The following SNAPC3 variants were observed in gnomAD, a reference collection of about 807,000 sequenced individuals.
The protein encoded by SNAPC3 is snRNA-activating protein complex subunit 3.
In SNAPC3, 56 loss-of-function variants were observed where a neutral mutation model predicts 47.7. That is an observed-to-expected ratio of 1.18 (90% CI 0.95 to 1.47). SNAPC3 has a LOEUF of 1.47. Ranked by LOEUF, SNAPC3 falls within the 40% of genes most tolerant of loss-of-function variation. The pLI is 0.00. For missense variants in SNAPC3, 665 were observed against 511.3 expected, an observed-to-expected ratio of 1.30 and a Z score of -2.90; for synonymous variants, 235 against 189.9, an observed-to-expected ratio of 1.24 and a Z score of -1.95.
intron 7 of SNAPC3, among the ~76,000 whole-genome samples, chr9:15,454,335 T>C (rs566154983): frequency 6.6e-6 from 1 of 152,270 alleles, no homozygotes; most frequent in East Asian, 1.9e-4. Flanking sequence ...TCCCATGCAC[T>C]CCATCTCAGG....
intron 2 of SNAPC3, among the ~76,000 whole-genome samples, chr9:15,428,508 C>CA (rs397952770): frequency 0.72 from 92,990 of 129,008 alleles, 33,819 homozygotes; most frequent in Admixed American, 0.82. Context: ...GACTCTGTCT[C>CA]AAAAAAAAAA....
At chr9:15,427,339 T>C (rs2031544814) in intron 2 of SNAPC3, among the ~76,000 whole-genome samples, 1 of 152,186 alleles carries the variant, frequency 6.6e-6, no homozygotes, top group Non-Finnish European at 1.5e-5. Context: ...ACATCACTTA[T>C]TTATTTGTTT....
intron 5 of SNAPC3, among the ~76,000 whole-genome samples, chr9:15,449,954 A>C (rs2034269256): frequency 6.6e-6 from 1 of 152,176 alleles, no homozygotes; most frequent in South Asian, 2.1e-4. Flanking sequence ...AAAGATAGTA[A>C]GTTGCTTAAA....
rs536985888 is a variant in SNAPC3, at chr9:15,440,503, A to G, written c.478-4099A>G. 1.4e-3 allele frequency among the ~76,000 whole-genome samples: 211 copies of G among 152,270 alleles called. 1 individual carries two copies. Among genetic ancestry groups the G allele is most frequent in the African/African-American group, 4.9e-3 (204 of 41,542 alleles). ...TTTTTTTTCTTTCATGGGTTTAAAT[A>G]TGTCACCCAAAAAAGAAAAACAAAA... On this transcript the variant is annotated intron_variant, in intron 3 of 8. Coordinates refer to ENST00000380821, the MANE Select transcript of SNAPC3 (RefSeq NM_001039697.2).
intron 5 of SNAPC3, among the ~76,000 whole-genome samples, chr9:15,448,641 G>C (rs1242610904): frequency 1.3e-5 from 2 of 152,148 alleles, no homozygotes; most frequent in African/African-American, 4.8e-5. Context: ...GTGGAGACTA[G>C]CATATGGCTC....
chr9:15,434,685 C>T (rs1014710371), intron 3 of SNAPC3, among the ~76,000 whole-genome samples: 2 of 152,198 alleles, frequency 1.3e-5, no homozygotes, highest in African/African-American at 2.4e-5. Context: ...GGATTACAGT[C>T]GTGAGCCACA....
At chr9:15,465,687 A>G (rs2035576352), downstream of SNAPC3, 2 of 879,584 alleles carry the variant, frequency 2.3e-6, no homozygotes, top group African/African-American at 3.5e-5. Context: ...AAAGACTGAA[A>G]CCAACCAAAC....
chr9:15,435,142 G>A (rs138209177), intron 3 of SNAPC3, among the ~76,000 whole-genome samples: 5 of 152,060 alleles, frequency 3.3e-5, no homozygotes, highest in African/African-American at 9.6e-5. Flanking sequence ...TTGTGGTTTC[G>A]ATTTGCATTT....
At chr9:15,452,008 G>C (rs1327038163) in intron 6 of SNAPC3, among the ~76,000 whole-genome samples, 1 of 151,976 alleles carries the variant, frequency 6.6e-6, no homozygotes, top group Non-Finnish European at 1.5e-5. Flanking sequence ...CTGTCACCCA[G>C]TCTGGAGTAT....
At chr9:15,444,500 C>G in intron 3 of SNAPC3, 102 bp from the exon 4 acceptor site, 1 of 690,404 alleles carries the variant, frequency 1.4e-6, no homozygotes, top group Non-Finnish European at 2.5e-6. Context: ...GGTGTCAAAC[C>G]CAAGGCTGCT....
chr9:15,433,498 C>A, intron 2 of SNAPC3, 54 bp from the exon 3 acceptor site: 2 of 1,086,844 alleles, frequency 1.8e-6, no homozygotes, highest in Non-Finnish European at 2.7e-6. Flanking sequence ...TTTTTGAAGC[C>A]CGAATAACAA....
chr9:15,428,073 T>C (rs967100656), intron 2 of SNAPC3, among the ~76,000 whole-genome samples: 4 of 141,358 alleles, frequency 2.8e-5, no homozygotes, highest in Middle Eastern at 3.9e-3. Flanking sequence ...ATCGCGCCAT[T>C]GCACTCCAGC....
intron 2 of SNAPC3, among the ~76,000 whole-genome samples, chr9:15,424,661 G>A (rs887848436): frequency 6.6e-6 from 1 of 152,170 alleles, no homozygotes; most frequent in African/African-American, 2.4e-5. Context: ...ATAGGTCATA[G>A]ATGAATTCTG....
chr9:15,433,705 G>A, intron 3 of SNAPC3, 69 bp downstream of exon 3: 1 of 947,508 alleles, frequency 1.1e-6, no homozygotes, highest in East Asian at 2.4e-5. Flanking sequence ...CTGAGGGTTA[G>A]TAATGACAGT....
At chr9:15,452,322 AT>A (rs35695129) in intron 6 of SNAPC3, among the ~76,000 whole-genome samples, 136 of 140,490 alleles carry the variant, frequency 9.7e-4, no homozygotes, top group African/African-American at 2.8e-3. Context: ...TGGTTTCAGC[AT>A]TTTTTTTTTT....
At chr9:15,437,574 T>C (rs2032942179) in intron 3 of SNAPC3, among the ~76,000 whole-genome samples, 1 of 151,582 alleles carries the variant, frequency 6.6e-6, no homozygotes, top group Non-Finnish European at 1.5e-5. Flanking sequence ...GAAAGGGTGT[T>C]AGATTTTGTC....
chr9:15,423,944 A>C lies in SNAPC3; in HGVS notation c.350A>C (p.Asp117Ala). Reference protein sequence around the residue: ...DKLKCLEDGEDPEVIPENTDL... With the variant: ...DKLKCLEDGEAPEVIPENTDL... ...CTGAAATGCCTTGAGGACGGTGAGG[A>C]TCCAGAAGTCATTCCGGAGAATACT... The change falls in exon 2 of 9, where the codon GAT (aspartate) becomes GCT (alanine). Residue 117 changes from aspartate (D) to alanine (A), a missense_variant. Transcript: ENST00000380821. The C allele has an allele frequency of 6.3e-7, 1 of 1,590,164 alleles. No homozygotes were observed.
intron 7 of SNAPC3, among the ~76,000 whole-genome samples, chr9:15,454,040 G>A (rs931231624): frequency 2.0e-5 from 3 of 152,196 alleles, no homozygotes. Flanking sequence ...TTCGAGACCA[G>A]CCTGAACAAT....
intron 5 of SNAPC3, among the ~76,000 whole-genome samples, chr9:15,447,517 GT>G (rs60318769): frequency 6.7e-6 from 1 of 150,256 alleles, no homozygotes; most frequent in African/African-American, 2.4e-5. Context: ...TTTCTTTTTT[GT>G]TTTTTTTTGT....
Sources: allele counts gnomAD v4.1 joint callset (sites outside exome capture counted in the v4.1 genomes callset), GRCh38; gene constraint gnomAD v4.1.1; transcripts MANE v1.5; gene names NCBI Gene and HGNC (gene_info 2026-07-23, HGNC 2026-07-21).